Variants in CYFIP1 observed in about 807,000 individuals in gnomAD.
CYFIP1 encodes the protein cytoplasmic FMR1-interacting protein 1.
In CYFIP1, 58 loss-of-function variants were observed where a neutral mutation model predicts 163.5. That is an observed-to-expected ratio of 0.35 (90% CI 0.29 to 0.44). CYFIP1 has a LOEUF of 0.44. Ranked by LOEUF, CYFIP1 falls within the 20% of genes least tolerant of loss-of-function variation. The pLI is 1.00. For synonymous variants in CYFIP1, 663 were observed against 660.7 expected (o/e 1.00, Z -0.05); for missense variants, 1,338 against 1,653.8 (o/e 0.81, Z 3.31).
intron 22 of CYFIP1, among the ~76,000 whole-genome samples, chr15:22,900,260 T>A (rs543446908): frequency 6.6e-6 from 1 of 152,044 alleles, no homozygotes; most frequent in Non-Finnish European, 1.5e-5. Flanking sequence ...GTGATGCCAC[T>A]GCAAGCCAAG....
chr15:22,874,855 T>C (rs2059537128), intron 27 of CYFIP1, among the ~76,000 whole-genome samples: 2 of 152,188 alleles, frequency 1.3e-5, no homozygotes, highest in South Asian at 2.1e-4. Context: ...TTTTCATTTA[T>C]TGAATATTCC....
In CYFIP1 at chr15:22,889,714, C is replaced by T. The variant is rs117254455; in HGVS notation, c.2676+3176G>A. Among the ~76,000 whole-genome samples the T allele has an allele frequency of 4.6e-5, 7 of 152,092 alleles. 1 individual carries two copies. The highest frequency in any genetic ancestry group is 1.0e-4 in the Non-Finnish European group (7 of 67,968). On this transcript the variant is annotated intron_variant, in intron 23 of 30. Transcript: ENST00000617928. Reference sequence around the variant, plus strand: ...GAGCCTCTCTGCCCAGTGCCCTCTGCGCACAAATGCCTCTCTATCAGGGAG... The same window carrying T: ...GAGCCTCTCTGCCCAGTGCCCTCTGTGCACAAATGCCTCTCTATCAGGGAG...
chr15:22,870,467 C>A (rs186405352), intron 30 of CYFIP1, among the ~76,000 whole-genome samples: 1 of 151,944 alleles, frequency 6.6e-6, no homozygotes, highest in Non-Finnish European at 1.5e-5. Context: ...TACCACCACA[C>A]GCAGCTAATT....
chr15:22,913,057 G>A (rs935329574), intron 17 of CYFIP1, among the ~76,000 whole-genome samples: 4 of 152,072 alleles, frequency 2.6e-5, no homozygotes, highest in African/African-American at 9.7e-5. Context: ...TTAGCCAGGT[G>A]TGGTGGCGCA....
At chr15:22,904,489 G>A (rs2060506622) in intron 21 of CYFIP1, 1 of 159,160 alleles carries the variant, frequency 6.3e-6, no homozygotes, top group Non-Finnish European at 1.4e-5. Flanking sequence ...CAAAGACTGA[G>A]TAGGACAAAA....
chr15:22,906,928 C>T (rs1234805055), intron 21 of CYFIP1, among the ~76,000 whole-genome samples: 2 of 152,072 alleles, frequency 1.3e-5, no homozygotes, highest in Non-Finnish European at 2.9e-5. Flanking sequence ...GGGATTGGAC[C>T]ATGATCTTTA....
intron 22 of CYFIP1, among the ~76,000 whole-genome samples, chr15:22,894,245 G>T (rs2060161670): frequency 6.7e-6 from 1 of 149,940 alleles, no homozygotes. Flanking sequence ...CAAGCGCCAG[G>T]ATATGATGCC....
At chr15:22,948,808 TAA>T (rs3083516) in intron 1 of CYFIP1, among the ~76,000 whole-genome samples, 3 of 139,694 alleles carry the variant, frequency 2.1e-5, no homozygotes, top group African/African-American at 2.7e-5. Context: ...TACTGAAATG[TAA>T]AAAAAAAAAA....
chr15:22,958,512 A>C (rs552544091), intron 1 of CYFIP1, among the ~76,000 whole-genome samples: 1 of 152,348 alleles, frequency 6.6e-6, no homozygotes, highest in Non-Finnish European at 1.5e-5. Context: ...GACATCTAAA[A>C]CAGTGTGCCA....
chr15:22,968,837 G>C (rs991548729), intron 1 of CYFIP1, among the ~76,000 whole-genome samples: 1 of 152,188 alleles, frequency 6.6e-6, no homozygotes, highest in African/African-American at 2.4e-5. Flanking sequence ...TGGTGTTAAG[G>C]CTCACTGGTT....
At chr15:22,964,839 G>A (rs1021762509) in intron 1 of CYFIP1, among the ~76,000 whole-genome samples, 1 of 152,168 alleles carries the variant, frequency 6.6e-6, no homozygotes, top group Non-Finnish European at 1.5e-5. Context: ...TGCCTGCCCA[G>A]ATGGGTTATT....
At chr15:22,910,438 G>A in intron 20 of CYFIP1, 82 bp downstream of exon 20, 1 of 1,154,140 alleles carries the variant, frequency 8.7e-7, no homozygotes, top group Non-Finnish European at 1.3e-6. Context: ...GGGATTACAG[G>A]CGTGAGCCAC....
chr15:22,942,412 G>C (rs1007951412), intron 6 of CYFIP1, among the ~76,000 whole-genome samples: 1 of 151,812 alleles, frequency 6.6e-6, no homozygotes, highest in African/African-American at 2.4e-5. Context: ...ATGAAGCAGA[G>C]CAAGAGCATC....
At chr15:22,936,608 C>T (rs939781333) in intron 9 of CYFIP1, among the ~76,000 whole-genome samples, 1 of 152,176 alleles carries the variant, frequency 6.6e-6, no homozygotes, top group Non-Finnish European at 1.5e-5. Flanking sequence ...ACTACTGACA[C>T]TGAAAACAGA....
chr15:22,891,842 T>C, intron 23 of CYFIP1, among the ~76,000 whole-genome samples: 2 of 152,274 alleles, frequency 1.3e-5, no homozygotes, highest in Middle Eastern at 3.4e-3. Context: ...TGGAAAACAT[T>C]GTTTCCGCCA....
intron 22 of CYFIP1, among the ~76,000 whole-genome samples, chr15:22,900,456 T>A (rs1177732953): frequency 6.7e-6 from 1 of 149,720 alleles, no homozygotes; most frequent in Non-Finnish European, 1.5e-5. Context: ...TGGAGTGCAG[T>A]GGTGCAATCT....
At chr15:22,951,566 G>A in intron 1 of CYFIP1, 1 of 1,285,506 alleles carries the variant, frequency 7.8e-7, no homozygotes, top group South Asian at 1.2e-5. Context: ...CCCGCAGTCT[G>A]CCCTTTCTGC....
rs1025146144 is a variant in CYFIP1, at chr15:22,922,338, C to T, written c.1360-3480G>A. Reference sequence around the variant, plus strand: ...CCAGTAAAAACCCAGGACCCCAAGGCTCTGGGGAGCTGCCCTGGTGAGCCA... The same window carrying T: ...CCAGTAAAAACCCAGGACCCCAAGGTTCTGGGGAGCTGCCCTGGTGAGCCA... On this transcript the variant is annotated intron_variant, in intron 13 of 30. Coordinates refer to ENST00000617928, the MANE Select transcript of CYFIP1 (RefSeq NM_014608.6). 2.8e-4 allele frequency among the ~76,000 whole-genome samples: 43 copies of T among 152,226 alleles called. 2 individuals carry two copies. Among genetic ancestry groups the T allele is most frequent in the Non-Finnish European group, 1.8e-4 (12 of 68,042 alleles).
chr15:22,909,350 G>A, intron 20 of CYFIP1, 37 bp from the exon 21 acceptor site: 1 of 1,607,108 alleles, frequency 6.2e-7, no homozygotes, highest in Non-Finnish European at 8.5e-7. Context: ...GTAAAGAGTG[G>A]ACATGAGCAG....
Sources: gnomAD v4.1 joint callset for allele counts (sites outside exome capture counted in the v4.1 genomes callset) on GRCh38, gnomAD v4.1.1 for gene constraint, MANE v1.5 for transcripts, NCBI Gene and HGNC (gene_info 2026-07-23, HGNC 2026-07-21) for gene names.